Variants in NEDD4L observed in about 807,000 individuals in gnomAD.
NEDD4L encodes the protein NEDD4 like E3 ubiquitin protein ligase, also known as E3 ubiquitin-protein ligase NEDD4-like.
In NEDD4L, 54 loss-of-function variants were observed where a neutral mutation model predicts 148.9. The observed-to-expected ratio is 0.36, with a 90% CI of 0.29 to 0.45. NEDD4L has a LOEUF of 0.45. Among genes scored for constraint, NEDD4L ranks in the 20% least tolerant of loss-of-function variants. The pLI is 1.00. For synonymous variants in NEDD4L, 433 were observed against 440.7 expected (o/e 0.98, Z 0.22); for missense variants, 856 against 1,233.8 (o/e 0.69, Z 4.59).
Position 58,229,501 on chromosome 18 carries a change from G to A in NEDD4L, c.123-15926G>A, listed in dbSNP as rs149449926. ...CATGTCTCTGTTTGTGCTAATGCTCGCTGTATCCCCAAGTGGCAGTACTTA... is the reference window on the plus strand; with the variant it reads ...CATGTCTCTGTTTGTGCTAATGCTCACTGTATCCCCAAGTGGCAGTACTTA... On this transcript the variant is annotated intron_variant, in intron 2 of 30. Coordinates refer to ENST00000400345, the MANE Select transcript of NEDD4L (RefSeq NM_001144967.3). Among the ~76,000 whole-genome samples, 377 of 152,228 alleles carry A rather than the reference G, an allele frequency of 2.5e-3. 3 individuals are homozygous for A. The highest frequency in any genetic ancestry group is 8.5e-3 in the African/African-American group (354 of 41,534).
chr18:58,187,292 G>A (rs2039581793), intron 2 of NEDD4L, among the ~76,000 whole-genome samples: 2 of 152,138 alleles, frequency 1.3e-5, no homozygotes, highest in African/African-American at 2.4e-5. Flanking sequence ...TAATCTTCTG[G>A]GCATTGGCTT....
chr18:58,363,430 G>A (rs559372658), intron 19 of NEDD4L, among the ~76,000 whole-genome samples: 69 of 152,266 alleles, frequency 4.5e-4, no homozygotes, highest in African/African-American at 1.6e-3. Context: ...CTGTGTATAT[G>A]CAAAACCCAA....
intron 1 of NEDD4L, among the ~76,000 whole-genome samples, chr18:58,125,836 G>A (rs1337393003): frequency 6.6e-6 from 1 of 152,254 alleles, no homozygotes; most frequent in African/African-American, 2.4e-5. Context: ...CTTTTGATCC[G>A]GGGTCTTGGA....
intron 2 of NEDD4L, among the ~76,000 whole-genome samples, chr18:58,243,718 G>A (rs1205564365): frequency 6.6e-6 from 1 of 152,166 alleles, no homozygotes; most frequent in South Asian, 2.1e-4. Flanking sequence ...TTCTAAGGCT[G>A]AGGGTGTCCA....
At chr18:58,335,355 G>A in intron 12 of NEDD4L, 123 bp from the exon 13 acceptor site, 1 of 738,426 alleles carries the variant, frequency 1.4e-6, no homozygotes, top group Admixed American at 2.1e-5. Flanking sequence ...GGATAGGGTG[G>A]GTTTCAGGGA....
rs1600855741 is a variant in NEDD4L at position 58,297,707 on chromosome 18, G to T, written c.298-18275G>T. Among the ~76,000 whole-genome samples, 6 of 152,266 alleles carry T rather than the reference G, an allele frequency of 3.9e-5. No individual in the cohort carries two copies. The South Asian group carries it at 1.2e-3, about 32-fold the overall frequency. ...GTGATTAAATGAAGGGTCCCGGTATGGGGGGTTGTCCTGGATGAGCTGAGT... is the reference window on the plus strand; with the variant it reads ...GTGATTAAATGAAGGGTCCCGGTATTGGGGGTTGTCCTGGATGAGCTGAGT... On this transcript the variant is annotated intron_variant, in intron 5 of 30. Coordinates refer to ENST00000400345, the MANE Select transcript of NEDD4L (RefSeq NM_001144967.3).
At chr18:58,360,838 G>A (rs1443328684) in intron 19 of NEDD4L, among the ~76,000 whole-genome samples, 1 of 151,684 alleles carries the variant, frequency 6.6e-6, no homozygotes, top group Non-Finnish European at 1.5e-5. Context: ...TGAGGCTTTT[G>A]TAAGTCCTGA....
In NEDD4L at chr18:58,257,358, A is replaced by G. The variant is rs1473854372; in HGVS notation, c.297+5304A>G. Among the ~76,000 whole-genome samples the G allele has an allele frequency of 2.0e-5, 3 of 152,076 alleles. No homozygotes were observed. In the South Asian group the frequency reaches 6.2e-4, roughly 32 times the overall value. ...AATTTGCTTTGTTTTTTGTCCCATT[A>G]AGTAATACTGAACGAGAGTAGTGTC... On this transcript the variant is annotated intron_variant, in intron 5 of 30. Transcript: ENST00000400345.
At chr18:58,254,298 C>G (rs1038324794) in intron 5 of NEDD4L, among the ~76,000 whole-genome samples, 5 of 151,994 alleles carry the variant, frequency 3.3e-5, no homozygotes, top group Non-Finnish European at 5.9e-5. Context: ...AAATAAACCT[C>G]TTTGTTAAAT....
At chr18:58,240,846 T>C (rs1438835571) in intron 2 of NEDD4L, among the ~76,000 whole-genome samples, 2 of 139,214 alleles carry the variant, frequency 1.4e-5, no homozygotes, top group African/African-American at 5.3e-5. Context: ...TAGAGACAGA[T>C]TCTCTGTCAC....
intron 5 of NEDD4L, among the ~76,000 whole-genome samples, chr18:58,267,816 G>A (rs2050433526): frequency 6.6e-6 from 1 of 152,066 alleles, no homozygotes; most frequent in South Asian, 2.1e-4. Flanking sequence ...GTCCATTGAT[G>A]AATAATGTGT....
intron 28 of NEDD4L, 138 bp from the exon 29 acceptor site, chr18:58,390,508 A>T: frequency 1.7e-6 from 1 of 594,728 alleles, no homozygotes. Context: ...GCCATAAAAA[A>T]CCTACTCAGT....
chr18:58,056,780 C>T (rs894751947), intron 1 of NEDD4L, among the ~76,000 whole-genome samples: 2 of 151,880 alleles, frequency 1.3e-5, no homozygotes, highest in Non-Finnish European at 2.9e-5. Flanking sequence ...GGGGTTTCAC[C>T]ATGTTGGCCA....
intron 1 of NEDD4L, among the ~76,000 whole-genome samples, chr18:58,075,882 T>C (rs1175014800): frequency 6.6e-6 from 1 of 152,186 alleles, no homozygotes; most frequent in East Asian, 1.9e-4. Flanking sequence ...TGAACCATGA[T>C]TGCACCACGG....
At chr18:58,120,518 G>A (rs1335604762) in intron 1 of NEDD4L, among the ~76,000 whole-genome samples, 1 of 152,156 alleles carries the variant, frequency 6.6e-6, no homozygotes, top group African/African-American at 2.4e-5. Context: ...GGTGGCTCGC[G>A]CCTGTAATCC....
chr18:58,357,307 G>C (rs762667612), intron 19 of NEDD4L, 55 bp downstream of exon 19: 2 of 1,402,554 alleles, frequency 1.4e-6, no homozygotes, highest in East Asian at 2.3e-5. Context: ...ACGTGTTTAC[G>C]TGTTTCTTGT....
chr18:58,081,855 A>G (rs1425253760), intron 1 of NEDD4L, among the ~76,000 whole-genome samples: 4 of 151,962 alleles, frequency 2.6e-5, no homozygotes, highest in Non-Finnish European at 5.9e-5. Flanking sequence ...TGCGTTTTGC[A>G]TAGAATTGAA....
chr18:58,094,510 C>T (rs1031866905), intron 1 of NEDD4L, among the ~76,000 whole-genome samples: 1 of 152,178 alleles, frequency 6.6e-6, no homozygotes, highest in African/African-American at 2.4e-5. Flanking sequence ...TACCTTTTCG[C>T]CGCCCTGGCC....
In NEDD4L at chr18:58,098,426, C is replaced by T. The variant is rs748691320; in HGVS notation, c.48+53718C>T. On this transcript the variant is annotated intron_variant, in intron 1 of 30. Transcript: ENST00000400345. ...TCAGTTTCTAAGCACTCTCAGCCTCCGGGCCTTTGATCGTGGAGCGCCATG... is the reference window on the plus strand; with the variant it reads ...TCAGTTTCTAAGCACTCTCAGCCTCTGGGCCTTTGATCGTGGAGCGCCATG... Among the ~76,000 whole-genome samples the T allele has an allele frequency of 8.5e-5, 13 of 152,258 alleles. No individual in the cohort carries two copies. In the East Asian group the frequency reaches 9.7e-4, roughly 11 times the overall value.
Sources: gnomAD v4.1 joint callset for allele counts (sites outside exome capture counted in the v4.1 genomes callset) on GRCh38, gnomAD v4.1.1 for gene constraint, MANE v1.5 for transcripts, NCBI Gene and HGNC (gene_info 2026-07-23, HGNC 2026-07-21) for gene names.